The following ARHGAP45 variants were observed in gnomAD, a reference collection of about 807,000 sequenced individuals.
The protein encoded by ARHGAP45 is rho GTPase-activating protein 45.
In ARHGAP45, 56 loss-of-function variants were observed where a neutral mutation model predicts 116.1. The observed-to-expected ratio is 0.48, with a 90% confidence interval of 0.39 to 0.60. The LOEUF (loss-of-function observed/expected upper bound fraction) is 0.60. Among genes scored for constraint, ARHGAP45 ranks in the 20% least tolerant of loss-of-function variants. The probability of loss-of-function intolerance (pLI) is 0.00; values close to 1 mark genes in which losing one functional copy is unlikely to be tolerated. For missense variants in ARHGAP45, 1,622 were observed against 1,601.0 expected, an observed-to-expected ratio of 1.01 and a Z score of -0.22; for synonymous variants, 866 against 701.7, an observed-to-expected ratio of 1.23 and a Z score of -3.70.
chr19:1,079,627 C>T lies in ARHGAP45; in HGVS notation c.1375-76C>T, dbSNP rs932544441. 3.2e-5 allele frequency: 50 copies of T among 1,539,612 alleles called. No homozygotes were observed. The African/African-American group carries it at 4.8e-4, about 15-fold the overall frequency. On this transcript the variant is annotated intron_variant, in intron 11 of 22. Coordinates refer to ENST00000313093, the MANE Select transcript of ARHGAP45 (RefSeq NM_012292.5). ...GCGCTGGGATGACAGGCGTCAGCCC[C>T]GCCTCCCTGAGGTTTCTGTCTGAGT...
intron 16 of ARHGAP45, 50 bp from the exon 17 acceptor site, chr19:1,080,842 G>A (rs1228058569): frequency 1.2e-6 from 2 of 1,608,060 alleles, no homozygotes; most frequent in East Asian, 2.2e-5. Context: ...CAGTCCATGG[G>A]CCTGGCCCTG....
intron 8 of ARHGAP45, 83 bp from the exon 9 acceptor site, chr19:1,074,531 G>C (rs2043200674): frequency 4.2e-6 from 6 of 1,419,238 alleles, no homozygotes; most frequent in Non-Finnish European, 5.7e-6. Flanking sequence ...TGGCTGCAGG[G>C]ACCAGGGAGC....
At chr19:1,083,448 C>T in intron 21 of ARHGAP45, 95 bp downstream of exon 21, 1 of 1,130,550 alleles carries the variant, frequency 8.8e-7, no homozygotes, top group Non-Finnish European at 1.3e-6. Flanking sequence ...GCCCAAGGAA[C>T]CACAGGGAGA....
chr19:1,085,290 C>G (rs2043573702), intron 22 of ARHGAP45, among the ~76,000 whole-genome samples: 1 of 152,108 alleles, frequency 6.6e-6, no homozygotes, highest in Non-Finnish European at 1.5e-5. Flanking sequence ...CACGTACTAT[C>G]ATGAGAACAG....
Position 1,067,251 on chromosome 19 carries a change from G to GC in ARHGAP45, c.-155_-154insC. 2 of 1,384,406 alleles carry GC rather than the reference G, an allele frequency of 1.4e-6. No individual in the cohort carries two copies. Among genetic ancestry groups the GC allele is most frequent in the Non-Finnish European group, 1.9e-6 (2 of 1,072,904 alleles). 85.8% of individuals were successfully genotyped at this position (1,384,406 alleles called of 1,614,324 possible). On this transcript the variant is annotated 5_prime_UTR_variant, in exon 1 of 23. Transcript: ENST00000313093. The stretch of plus-strand genomic sequence containing the variant: ...TCCCCGAAGCCTTTTCCTGTTGGGG[G>GC]GAGGGCCCGCCAGTGACGGCCGGGC...
At position 1,080,119 on chromosome 19, in the gene ARHGAP45, G is replaced by A; in HGVS notation, c.1703+1G>A. 6.2e-7 allele frequency: 1 copy of A among 1,611,514 alleles called. No individual in the cohort carries two copies. The highest frequency in any genetic ancestry group is 8.5e-7 in the Non-Finnish European group (1 of 1,179,356). Reference sequence around the variant, plus strand: ...AGCCCCACGTCTCCGCCAACGCCTGGTACCGCCACCCAGCTGCCCTGTCCC... The same window carrying A: ...AGCCCCACGTCTCCGCCAACGCCTGATACCGCCACCCAGCTGCCCTGTCCC... On this transcript the variant is annotated splice_donor_variant, in intron 13 of 22. Transcript: ENST00000313093. LOFTEE classifies it high-confidence loss of function.
In ARHGAP45 at chr19:1,080,852, G is replaced by A. The variant is rs1255880235; in HGVS notation, c.2018-40G>A. 2.5e-6 allele frequency: 4 copies of A among 1,606,756 alleles called. No homozygotes were observed. In the East Asian group the frequency reaches 9.0e-5, roughly 36 times the overall value. On this transcript the variant is annotated intron_variant, in intron 16 of 22. Coordinates refer to ENST00000313093, the MANE Select transcript of ARHGAP45 (RefSeq NM_012292.5). ...GGACACAGTCCATGGGCCTGGCCCT[G>A]AGCTGCCTTGGTGACACCGGCTGCC...
Position 1,080,322 on chromosome 19 carries a change from G to C in ARHGAP45, c.1771G>C (p.Gly591Arg), listed in dbSNP as rs772453003. 1.2e-5 allele frequency: 19 copies of C among 1,610,934 alleles called. No individual in the cohort carries two copies. The highest frequency in any genetic ancestry group is 1.6e-5 in the Non-Finnish European group (19 of 1,179,528). ...TGATGTGGCGCGGCCGGAGGCTGCC[G>C]GGAGCCCCCCAGAAGAAGGCGGGTG... is the stretch of plus-strand genomic sequence containing the variant. The part of the protein sequence containing the change: ...VSDVARPEAA[G>R]SPPEEGGCTE... The change falls in exon 14 of 23, where the codon GGG becomes CGG. Residue 591 changes from glycine to arginine, a missense_variant. By Grantham distance (125) the Gly-to-Arg change is moderately radical. Transcript: ENST00000313093.
Position 1,081,027 on chromosome 19 carries a change from A to G in ARHGAP45, c.2153A>G (p.Asn718Ser), listed in dbSNP as rs750363323. ...LRTPAKCREC[N>S]SYVYFQGAEC... is the part of the protein sequence containing the mutation. ...ACGCCCGCCAAGTGCCGCGAGTGCA[A>G]CAGCTACGTCTACTTCCAGGGTGCT... is the stretch of plus-strand genomic sequence containing the variant. Residue 718 changes from asparagine to serine, a missense_variant, in exon 17 of 23, where the codon AAC (asparagine) becomes AGC (serine). By Grantham distance (46) the Asn-to-Ser change is conservative. Transcript: ENST00000313093. 6.2e-7 allele frequency: 1 copy of G among 1,609,404 alleles called. No homozygotes were observed. The highest frequency in any genetic ancestry group is 1.3e-5 in the African/African-American group (1 of 75,058).
chr19:1,084,136 C>T (rs1344297996), intron 21 of ARHGAP45, 102 bp from the exon 22 acceptor site: 2 of 1,076,074 alleles, frequency 1.9e-6, no homozygotes, highest in Admixed American at 1.7e-5. Flanking sequence ...TGGGCAACAG[C>T]GGGTGTCAGT....
At chr19:1,073,356 T>C in intron 3 of ARHGAP45, 64 bp downstream of exon 3, 1 of 1,596,432 alleles carries the variant, frequency 6.3e-7, no homozygotes, top group South Asian at 1.1e-5. Context: ...GAGGAGGGGA[T>C]GTTTGAAGTG....
At position 1,068,648 on chromosome 19, in the gene ARHGAP45, G is replaced by A. The variant is rs764058311; in HGVS notation, c.325G>A (p.Gly109Ser). Residue 109 changes from glycine (G) to serine (S), a missense_variant, in exon 2 of 23, where the codon GGC becomes AGC. Gly to Ser is a moderately conservative substitution (Grantham distance 56). Coordinates refer to ENST00000313093, the MANE Select transcript of ARHGAP45 (RefSeq NM_012292.5). The surrounding 1 kb of genome is among the most constrained non-coding windows in gnomAD (Gnocchi z 7.5). ...GGGCGAGCTGCCCACCGAGGGTGCC[G>A]GCCCGGACGTCGTCGAGGACATCTC... ...SPGELPTEGA[G>S]PDVVEDISHL... 43 of 1,612,440 alleles carry A rather than the reference G, an allele frequency of 2.7e-5. No individual in the cohort carries two copies. The highest frequency in any genetic ancestry group is 3.3e-5 in the Admixed American group (2 of 60,008).
At chr19:1,075,542 C>G (rs963959548) in intron 10 of ARHGAP45, among the ~76,000 whole-genome samples, 8 of 152,118 alleles carry the variant, frequency 5.3e-5, no homozygotes, top group African/African-American at 1.9e-4. Context: ...ACCGCACCCA[C>G]CCGGCCTCCT....
At position 1,079,503 on chromosome 19, in the gene ARHGAP45, CA is replaced by C. The variant is rs35895776; in HGVS notation, c.1375-183del. Reference sequence around the variant, plus strand: ...TGGCCTACAGAGCAAGACTCCATCTCAAAAAAAAAAAAAAAAAGATGGGGAG... The same window carrying C: ...TGGCCTACAGAGCAAGACTCCATCTCAAAAAAAAAAAAAAAAGATGGGGAG... On this transcript the variant is annotated intron_variant, in intron 11 of 22. Transcript: ENST00000313093. 2.1e-3 allele frequency among the ~76,000 whole-genome samples: 235 copies of C among 112,220 alleles called. 2 individuals are homozygous for C. Among genetic ancestry groups the C allele is most frequent in the African/African-American group, 3.3e-3 (95 of 29,138 alleles). 73.6% of individuals were successfully genotyped at this position (112,220 alleles called of 152,430 possible).
chr19:1,068,361 C>T lies in ARHGAP45; in HGVS notation c.91-53C>T, dbSNP rs902481174. 3 of 1,425,274 alleles carry T rather than the reference C, an allele frequency of 2.1e-6. No individual in the cohort carries two copies. The highest frequency in any genetic ancestry group is 1.9e-6 in the Non-Finnish European group (2 of 1,069,528). 88.3% of individuals were successfully genotyped at this position (1,425,274 alleles called of 1,614,324 possible). On this transcript the variant is annotated intron_variant, in intron 1 of 22. Transcript: ENST00000313093. The surrounding 1 kb of genome is among the most constrained non-coding windows in gnomAD (Gnocchi z 7.5). ...CACTTCATTTCTGGGGAAACTGAGG[C>T]CGTGTCCAGGCCGGAAAATCCCTTT...
In ARHGAP45 at chr19:1,081,708, C is replaced by A; in HGVS notation, c.2349C>A (p.Cys783Ter). ...CCTTCATCGTCAAGAAGTGCGTCTG[C>A]GAGATCGAGCGGCGGGCGCTGCGCA... ...GVPFIVKKCV[C>*]EIERRALRTK... Residue 783 changes from cysteine (C) to a stop codon, truncating the protein, a stop_gained, in exon 18 of 23, where the codon TGC becomes TGA. Coordinates refer to ENST00000313093, the MANE Select transcript of ARHGAP45 (RefSeq NM_012292.5). LOFTEE classifies it high-confidence loss of function. The A allele has an allele frequency of 6.3e-7, 1 of 1,585,244 alleles. No individual in the cohort carries two copies. The highest frequency in any genetic ancestry group is 8.6e-7 in the Non-Finnish European group (1 of 1,165,364).
chr19:1,081,178 A>T, intron 17 of ARHGAP45, 114 bp downstream of exon 17: 1 of 1,237,804 alleles, frequency 8.1e-7, no homozygotes, highest in Non-Finnish European at 1.1e-6. Context: ...GAGCAGTCGG[A>T]CGCCTTTGGA....
rs766266227 is a variant in ARHGAP45 at position 1,080,240 on chromosome 19, G to T, written c.1704-15G>T. 9.9e-6 allele frequency: 16 copies of T among 1,611,948 alleles called. No individual in the cohort carries two copies. The East Asian group carries it at 3.3e-4, about 34-fold the overall frequency. On this transcript the variant is annotated splice_polypyrimidine_tract_variant and intron_variant, in intron 13 of 22. Coordinates refer to ENST00000313093, the MANE Select transcript of ARHGAP45 (RefSeq NM_012292.5). ...CCCCATCACCTCCCCTCCTTTTCCC[G>T]GTTTCTTCCACTAGGTCCCCCGTCA...
intron 11 of ARHGAP45, 40 bp from the exon 12 acceptor site, chr19:1,079,663 G>C (rs748739481): frequency 7.5e-6 from 12 of 1,607,464 alleles, no homozygotes; most frequent in Middle Eastern, 1.7e-4. Flanking sequence ...CCTGCACCCC[G>C]GGCTGAGGCC....
Sources: gnomAD v4.1 joint callset for allele counts (sites outside exome capture counted in the v4.1 genomes callset) on GRCh38, gnomAD v4.1.1 for gene constraint, Gnocchi (gnomAD v3.1) non-coding constraint, MANE v1.5 for transcripts, NCBI Gene and HGNC (gene_info 2026-07-23, HGNC 2026-07-21) for gene names.